Variants in MTMR4 observed in about 807,000 individuals in gnomAD.
MTMR4 encodes the protein phosphatidylinositol-3,5-bisphosphate 3-phosphatase MTMR4.
Under a neutral mutation model 125.5 loss-of-function variants are expected in MTMR4, and 30 were observed. The observed-to-expected ratio is 0.24, with a 90% CI of 0.18 to 0.32. The LOEUF is 0.32. MTMR4 is among the 10% of genes least tolerant of loss of function. MTMR4 has a pLI of 1.00. For missense variants in MTMR4, 1,039 were observed against 1,511.5 expected, an observed-to-expected ratio of 0.69 and a Z score of 5.18; for synonymous variants, 498 against 564.5, an observed-to-expected ratio of 0.88 and a Z score of 1.67.
chr17:58,501,492 CAAAA>C (rs1854123530), intron 14 of MTMR4, among the ~76,000 whole-genome samples: 1 of 151,312 alleles, frequency 6.6e-6, no homozygotes, highest in Non-Finnish European at 1.5e-5. Context: ...CTCTAAAAAA[CAAAA>C]AAGCTCTCAG....
At chr17:58,493,013 T>C in intron 15 of MTMR4, 61 bp from the exon 16 acceptor site, 1 of 1,375,724 alleles carries the variant, frequency 7.3e-7, no homozygotes, top group South Asian at 1.2e-5. Flanking sequence ...CTGTTTACCA[T>C]GTGTCAGGCA....
chr17:58,509,020 TTG>T (rs1975855640), intron 4 of MTMR4, 179 bp from the exon 5 acceptor site: 2 of 620,470 alleles, frequency 3.2e-6, no homozygotes, highest in Admixed American at 5.9e-5. Flanking sequence ...CCAACAGAAG[TTG>T]TCTCTTGTGA....
chr17:58,516,314 C>G (rs1976084235), upstream of MTMR4, among the ~76,000 whole-genome samples: 1 of 152,168 alleles, frequency 6.6e-6, no homozygotes, highest in South Asian at 2.1e-4. Context: ...TTAATAGAAC[C>G]AGTGGTGGGT....
In MTMR4 at chr17:58,511,630, C is replaced by T. The variant is rs1390300333; in HGVS notation, c.253-119G>A. On this transcript the variant is annotated intron_variant, in intron 3 of 17. Coordinates refer to ENST00000682306, the MANE Select transcript of MTMR4 (RefSeq NM_001378067.1). ...AAGGAAACCAACATTTACTGAGGGTCTGTTAAGCACCTGGTAACTGTACGG... is the reference window on the plus strand; with the variant it reads ...AAGGAAACCAACATTTACTGAGGGTTTGTTAAGCACCTGGTAACTGTACGG... 6 of 765,242 alleles carry T rather than the reference C, an allele frequency of 7.8e-6. No individual in the cohort carries two copies. In the African/African-American group the frequency reaches 1.0e-4, roughly 13 times the overall value. The allele number at this position is 765,242 out of a possible 1,614,324, so 47.4% of individuals were successfully genotyped here.
At chr17:58,517,401 G>A (rs2042031832), upstream of MTMR4, among the ~76,000 whole-genome samples, 4 of 152,240 alleles carry the variant, frequency 2.6e-5, no homozygotes, top group South Asian at 8.3e-4. Flanking sequence ...GAGCCCTGCG[G>A]GAGGCTGCGG....
At position 58,495,964 on chromosome 17, in the gene MTMR4, T is replaced by C. The variant is rs753225433; in HGVS notation, c.2220A>G (p.Glu740=). The C allele has an allele frequency of 1.6e-5, 26 of 1,614,026 alleles. No homozygotes were observed. In the East Asian group the frequency reaches 5.6e-4, roughly 35 times the overall value. ...GGTCTGGAGCTGGTCCCTTAGTCTC[T>C]TCTAGGACTTTGATCTCAGGATCAG... ...NTSDPEIKVL[E]ETKGPAPDPS... is the part of the protein sequence containing the mutation. Residue 740 remains glutamate (E), a synonymous_variant, in exon 15 of 18, where the codon GAA becomes GAG. Coordinates refer to ENST00000682306, the MANE Select transcript of MTMR4 (RefSeq NM_001378067.1).
intron 17 of MTMR4, 64 bp downstream of exon 17, chr17:58,492,447 G>A: frequency 7.0e-7 from 1 of 1,431,712 alleles, no homozygotes; most frequent in Non-Finnish European, 9.8e-7. Context: ...GGCATTACAG[G>A]TGTGAGCCAC....
intron 14 of MTMR4, among the ~76,000 whole-genome samples, chr17:58,498,977 C>A (rs941156616): frequency 6.6e-6 from 1 of 152,132 alleles, no homozygotes; most frequent in African/African-American, 2.4e-5. Flanking sequence ...GACTCTTCCC[C>A]TCATATCTGA....
upstream of MTMR4, among the ~76,000 whole-genome samples, chr17:58,516,119 G>C (rs1381973831): frequency 6.6e-6 from 1 of 152,216 alleles, no homozygotes; most frequent in East Asian, 1.9e-4. Flanking sequence ...CTTAACAGCA[G>C]CACCCTGGAA....
chr17:58,501,628 A>G (rs1975633817), intron 14 of MTMR4, among the ~76,000 whole-genome samples: 1 of 151,586 alleles, frequency 6.6e-6, no homozygotes, highest in African/African-American at 2.4e-5. Flanking sequence ...CTATGTATAT[A>G]CGTATACATG....
In MTMR4 at chr17:58,495,285, A is replaced by T; in HGVS notation, c.2899T>A (p.Trp967Arg). The T allele has an allele frequency of 6.2e-7, 1 of 1,614,216 alleles. No homozygotes were observed. The highest frequency in any genetic ancestry group is 1.1e-5 in the South Asian group (1 of 91,078). ...GACTTCACACCTTCTCTCTGAGCCC[A>T]CTGGCCCCCAAAGCAGGGCCCTGTG... ...RATGPCFGGQ[W>R]AQREGVKSPV... Residue 967 changes from tryptophan (W) to arginine (R), a missense_variant, in exon 15 of 18, where the codon TGG (tryptophan) becomes AGG (arginine). Physicochemically the swap from Trp to Arg is moderately radical, Grantham distance 101. This residue lies in a region of MTMR4 where 619 missense variants were observed against 714.5 expected (regional missense o/e 0.87). Transcript: ENST00000682306.
rs772580104 is a variant in MTMR4, at chr17:58,503,762, G to C, written c.1835C>G (p.Ser612Cys). 4.3e-6 allele frequency: 7 copies of C among 1,613,918 alleles called. No homozygotes were observed. In the Admixed American group the frequency reaches 1.2e-4, roughly 27 times the overall value. The stretch of plus-strand genomic sequence containing the variant: ...TTCTTACCTGTCCAGAGAGCGGCCA[G>C]AGAACTCCTGGCTCTGGGCCACTGG... ...LSPVAQSQEF[S>C]GRSLDRLPKT... Residue 612 changes from serine (S) to cysteine (C), a missense_variant, in exon 14 of 18, where the codon TCT becomes TGT. Transcript: ENST00000682306.
chr17:58,510,583 C>T (rs1447151313), intron 4 of MTMR4: 1 of 152,196 alleles, frequency 6.6e-6, no homozygotes, highest in African/African-American at 2.4e-5. Flanking sequence ...AGAGGTCCTC[C>T]TATCTCAGCC....
intron 14 of MTMR4, among the ~76,000 whole-genome samples, chr17:58,503,100 T>G (rs1367324540): frequency 1.3e-5 from 2 of 152,184 alleles, no homozygotes. Context: ...GCTACTAATA[T>G]AGCAAGCTCC....
chr17:58,516,482 C>A, upstream of MTMR4: 1 of 1,305,414 alleles, frequency 7.7e-7, no homozygotes, highest in Non-Finnish European at 1.1e-6. Flanking sequence ...AACAGGGTAG[C>A]CTGGAGCTCA....
intron 15 of MTMR4, among the ~76,000 whole-genome samples, chr17:58,493,602 C>T (rs1041949436): frequency 1.3e-5 from 2 of 152,224 alleles, no homozygotes; most frequent in Non-Finnish European, 2.9e-5. Flanking sequence ...AATCCACCTA[C>T]CTCGGCCTCA....
chr17:58,497,214 C>T (rs952477313), intron 14 of MTMR4, among the ~76,000 whole-genome samples: 1 of 152,188 alleles, frequency 6.6e-6, no homozygotes, highest in African/African-American at 2.4e-5. Context: ...TCAGTTCAGC[C>T]TATGCGGAAA....
At chr17:58,500,747 C>CAAAAA (rs60355286) in intron 14 of MTMR4, among the ~76,000 whole-genome samples, 13 of 92,178 alleles carry the variant, frequency 1.4e-4, no homozygotes, top group African/African-American at 1.7e-4. Flanking sequence ...GATTCTGTCT[C>CAAAAA]AAAAAAAAAA....
rs140261071 is a variant in MTMR4, at chr17:58,495,454, C to G, written c.2730G>C (p.Gln910His). ...ACCCTAGAAAAGAGAACTCACTGAT[C>G]TGGCTCTGAGAAATTGGCTTCCGGA... ...ELVRKPISQS[Q>H]ISEFSFLGSN... Residue 910 changes from glutamine to histidine, a missense_variant, in exon 15 of 18, where the codon CAG becomes CAC. Coordinates refer to ENST00000682306, the MANE Select transcript of MTMR4 (RefSeq NM_001378067.1). 1.1e-4 allele frequency: 176 copies of G among 1,614,280 alleles called. No individual in the cohort carries two copies. The South Asian group carries it at 1.8e-3, about 17-fold the overall frequency.
Sources: allele counts gnomAD v4.1 joint callset (sites outside exome capture counted in the v4.1 genomes callset), GRCh38; gene constraint gnomAD v4.1.1; regional missense constraint gnomAD v4.1.1; transcripts MANE v1.5; gene names NCBI Gene and HGNC (gene_info 2026-07-23, HGNC 2026-07-21).